AKIP1: variants seen among roughly 807,000 people sequenced by gnomAD.
The protein encoded by AKIP1 is A-kinase interacting protein 1, also known as A-kinase-interacting protein 1.
A neutral mutation model predicts 22.3 loss-of-function variants in AKIP1; 18 were observed. That is an observed-to-expected ratio of 0.81 (90% CI 0.56 to 1.19). AKIP1 has a LOEUF of 1.19. Among genes scored for constraint, AKIP1 ranks in the 50% most tolerant of loss-of-function variants. The pLI is 0.00. For synonymous variants in AKIP1, 120 were observed against 102.7 expected, an observed-to-expected ratio of 1.17 and a Z score of -1.02; for missense variants, 287 against 264.6, an observed-to-expected ratio of 1.08 and a Z score of -0.59.
At position 8,911,290 on chromosome 11, in the gene AKIP1, G is replaced by A. The variant is rs1319563807; in HGVS notation, c.-7+67G>A. On this transcript the variant is annotated intron_variant, in intron 1 of 5. Transcript: ENST00000309377. ...GGAAGGGGCGGGCGCGCTAGGCCTA[G>A]TCCTGGCTGGGCTCCCGCTGGAGTG... 2.7e-5 allele frequency: 18 copies of A among 665,686 alleles called. No homozygotes were observed. The East Asian group carries it at 4.1e-4, about 15-fold the overall frequency. 41.2% of individuals were successfully genotyped at this position (665,686 alleles called of 1,614,324 possible). A position where few individuals can be genotyped will look rare whatever the true frequency, so the allele number is the denominator to read the frequency against.
intron 2 of AKIP1, 34 bp downstream of exon 2, chr11:8,911,705 C>T: frequency 6.8e-7 from 1 of 1,467,740 alleles, no homozygotes; most frequent in Non-Finnish European, 9.0e-7. Context: ...CGCCCCAGTC[C>T]TTCGCGCCGC....
chr11:8,911,319 G>T, intron 1 of AKIP1, 96 bp downstream of exon 1: 1 of 837,162 alleles, frequency 1.2e-6, no homozygotes, highest in East Asian at 2.7e-5. Context: ...TGGAGTGTGC[G>T]TTGGGGGCGG....
intron 3 of AKIP1, among the ~76,000 whole-genome samples, chr11:8,913,194 T>C (rs77595664): frequency 7.8e-4 from 111 of 142,384 alleles, no homozygotes; most frequent in South Asian, 1.1e-3. Flanking sequence ...TTTTTTTTTT[T>C]AATTGAGACA....
At position 8,911,636 on chromosome 11, in the gene AKIP1, C is replaced by A; in HGVS notation, c.187C>A (p.Pro63Thr). Residue 63 changes from proline (P) to threonine (T), a missense_variant, in exon 2 of 6, where the codon CCG becomes ACG. By Grantham distance (38) the Pro-to-Thr change is conservative. Transcript: ENST00000309377. ...GGAGGCGCCCCACCTAGAGAAACAG[C>A]CGGCAGCCGGCCCGCAGCGCGTTCT... Reference protein sequence around the residue: ...AREAPHLEKQPAAGPQRVLPG... With the variant: ...AREAPHLEKQTAAGPQRVLPG... 1 of 1,581,490 alleles carries A rather than the reference C, an allele frequency of 6.3e-7. No homozygotes were observed. Among genetic ancestry groups the A allele is most frequent in the East Asian group, 2.3e-5 (1 of 44,292 alleles).
At chr11:8,916,109 C>T (rs189645079) in intron 4 of AKIP1, among the ~76,000 whole-genome samples, 74 of 152,120 alleles carry the variant, frequency 4.9e-4, no homozygotes, top group East Asian at 9.7e-4. Flanking sequence ...TGTAACCCAC[C>T]GCGCCTGACC....
At chr11:8,916,108 CCGCG>C (rs1271013402) in intron 4 of AKIP1, among the ~76,000 whole-genome samples, 4 of 152,238 alleles carry the variant, frequency 2.6e-5, no homozygotes, top group Admixed American at 6.5e-5. Flanking sequence ...GTGTAACCCA[CCGCG>C]CCTGACCCAT....
At position 8,911,228 on chromosome 11, in the gene AKIP1, G is replaced by C; in HGVS notation, c.-7+5G>C. 1 of 563,448 alleles carries C rather than the reference G, an allele frequency of 1.8e-6. No homozygotes were observed. The highest frequency in any genetic ancestry group is 2.3e-5 in the South Asian group (1 of 44,174). The allele number at this position is 563,448 out of a possible 1,614,324, so 34.9% of individuals were successfully genotyped here. ...GCGCCTTGACGAGTGAGCCGGGTGA[G>C]GGGGCTCCCTAAGTAGCGGAAGGGG... On this transcript the variant is annotated splice_donor_5th_base_variant and intron_variant, in intron 1 of 5. Coordinates refer to ENST00000309377, the MANE Select transcript of AKIP1 (RefSeq NM_020642.4).
In AKIP1 at chr11:8,917,239, C is replaced by T. The variant is rs767198015; in HGVS notation, c.409-48C>T. 8 of 1,342,920 alleles carry T rather than the reference C, an allele frequency of 6.0e-6. No homozygotes were observed. In the African/African-American group the frequency reaches 7.2e-5, roughly 12 times the overall value. 83.2% of individuals were successfully genotyped at this position (1,342,920 alleles called of 1,614,324 possible). On this transcript the variant is annotated intron_variant, in intron 4 of 5. Coordinates refer to ENST00000309377, the MANE Select transcript of AKIP1 (RefSeq NM_020642.4). ...TAGAAGAGAACTTCTCTTTACAATC[C>T]AAAAGTGAAAGCTTGGGCACAAATC...
At position 8,911,239 on chromosome 11, in the gene AKIP1, A is replaced by ATC; in HGVS notation, c.-7+16_-7+17insTC. The ATC allele has an allele frequency of 2.5e-5, 14 of 563,030 alleles. No individual in the cohort carries two copies. Among genetic ancestry groups the ATC allele is most frequent in the Admixed American group, 1.0e-4 (3 of 30,126 alleles). 34.9% of individuals were successfully genotyped at this position (563,030 alleles called of 1,614,324 possible). On this transcript the variant is annotated intron_variant, in intron 1 of 5. Transcript: ENST00000309377. ...AGTGAGCCGGGTGAGGGGGCTCCCT[A>ATC]AGTAGCGGAAGGGGTAGATGAAAAT...
chr11:8,919,306 C>CT lies in AKIP1; in HGVS notation c.490-30dup, dbSNP rs779629183. On this transcript the variant is annotated intron_variant, in intron 5 of 5. Transcript: ENST00000309377. ...ATGGTGGCACTGGGGTATAAAATCTCTAAACTGCTAATATCCTCTTTTCCT... is the reference window on the plus strand; with the variant it reads ...ATGGTGGCACTGGGGTATAAAATCTCTTAAACTGCTAATATCCTCTTTTCCT... 30 of 1,601,096 alleles carry CT rather than the reference C, an allele frequency of 1.9e-5. No homozygotes were observed. The African/African-American group carries it at 3.6e-4, about 19-fold the overall frequency.
At chr11:8,917,202 C>A in intron 4 of AKIP1, 85 bp from the exon 5 acceptor site, 1 of 840,098 alleles carries the variant, frequency 1.2e-6, no homozygotes, top group Non-Finnish European at 1.8e-6. Flanking sequence ...CAATTACTAA[C>A]TCCTAATAAG....
chr11:8,917,511 G>A (rs7950777), intron 5 of AKIP1, 144 bp downstream of exon 5: 24,082 of 702,390 alleles, frequency 0.034, 701 homozygotes, highest in African/African-American at 0.11. Flanking sequence ...GGGCACACAA[G>A]ATTTTGGTTC....
In AKIP1 at chr11:8,914,949, C is replaced by T. The variant is rs2064456888; in HGVS notation, c.408+19C>T. The T allele has an allele frequency of 1.9e-6, 3 of 1,581,530 alleles. No homozygotes were observed. The Admixed American group carries it at 5.1e-5, about 27-fold the overall frequency. ...TGGTCAGGTAAGTGTACTCAACTGTCCTGCACCATGCCTTCAGTCTACCAA... is the reference window on the plus strand; with the variant it reads ...TGGTCAGGTAAGTGTACTCAACTGTTCTGCACCATGCCTTCAGTCTACCAA... On this transcript the variant is annotated intron_variant, in intron 4 of 5. Transcript: ENST00000309377.
At chr11:8,911,277 C>G (rs958662873) in intron 1 of AKIP1, 54 bp downstream of exon 1, 2 of 611,260 alleles carry the variant, frequency 3.3e-6, no homozygotes, top group African/African-American at 3.7e-5. Context: ...AAGGGGCGGG[C>G]GCGCTAGGCC....
intron 5 of AKIP1, among the ~76,000 whole-genome samples, chr11:8,918,392 C>T (rs902154483): frequency 5.3e-5 from 8 of 152,192 alleles, no homozygotes; most frequent in Admixed American, 5.2e-4. Context: ...TCAAATCCAT[C>T]TGCAAGGTAG....
At chr11:8,911,896 TAAAAA>T (rs34044522) in intron 2 of AKIP1, among the ~76,000 whole-genome samples, 2 of 144,850 alleles carry the variant, frequency 1.4e-5, no homozygotes. Context: ...GTTGGTTACT[TAAAAA>T]AAAAAAAAAA....
chr11:8,912,871 C>CTTTTTT (rs71059196), intron 3 of AKIP1, among the ~76,000 whole-genome samples: 2,603 of 92,932 alleles, frequency 0.028, 146 homozygotes, highest in East Asian at 0.045. Context: ...TTTTTTTTAA[C>CTTTTTT]TTTTTTTTTT....
intron 4 of AKIP1, among the ~76,000 whole-genome samples, chr11:8,915,917 T>C (rs1305527239): frequency 5.4e-5 from 8 of 147,814 alleles, no homozygotes; most frequent in Admixed American, 4.2e-4. Flanking sequence ...TCTGCCTCCC[T>C]GGTTCACGCC....
chr11:8,918,057 A>G (rs930266722), intron 5 of AKIP1: 1 of 152,256 alleles, frequency 6.6e-6, no homozygotes, highest in Non-Finnish European at 1.5e-5. Flanking sequence ...TAGTACAAAT[A>G]TAAGTTGTTA....
Sources: gnomAD v4.1 joint callset for allele counts (sites outside exome capture counted in the v4.1 genomes callset) on GRCh38, gnomAD v4.1.1 for gene constraint, MANE v1.5 for transcripts, NCBI Gene and HGNC (gene_info 2026-07-23, HGNC 2026-07-21) for gene names.